Variants in AGAP1 observed in about 807,000 individuals in gnomAD.
The protein encoded by AGAP1 is arf-GAP with GTPase, ANK repeat and PH domain-containing protein 1.
AGAP1 carries 29 observed loss-of-function variants against 105.3 expected under a neutral mutation model. The observed-to-expected ratio is 0.28, with a 90% CI of 0.21 to 0.38. The LOEUF (loss-of-function observed/expected upper bound fraction) is 0.38. AGAP1 is among the 10% of genes least tolerant of loss of function. The pLI is 1.00. For missense variants in AGAP1, 998 were observed against 1,165.1 expected, an observed-to-expected ratio of 0.86 and a Z score of 2.09; for synonymous variants, 509 against 485.9, an observed-to-expected ratio of 1.05 and a Z score of -0.63.
At chr2:235,595,079 C>T (rs535743909) in intron 1 of AGAP1, among the ~76,000 whole-genome samples, 121 of 152,190 alleles carry the variant, frequency 8.0e-4, no homozygotes, top group South Asian at 1.7e-3. Flanking sequence ...GGGCCTGTTG[C>T]AGACCTGAAG....
intron 1 of AGAP1, among the ~76,000 whole-genome samples, chr2:235,603,335 C>G (rs1203162731): frequency 6.6e-6 from 1 of 152,172 alleles, no homozygotes; most frequent in Non-Finnish European, 1.5e-5. Context: ...TTATAAATTA[C>G]CCAGCCTAGG....
chr2:235,740,217 CT>C lies in AGAP1; in HGVS notation c.311-745del, dbSNP rs1387256322. ...CACTGCAGCAACCTTGTACCATCCC[CT>C]CCTGAGAGCATCAGGGGCCGGGACG... On this transcript the variant is annotated intron_variant, in intron 3 of 17. Transcript: ENST00000304032. The surrounding 1 kb of genome is among the most constrained non-coding windows in gnomAD (Gnocchi z 5.7). 6.6e-6 allele frequency among the ~76,000 whole-genome samples: 1 copy of C among 152,096 alleles called. No individual in the cohort carries two copies. The highest frequency in any genetic ancestry group is 2.4e-5 in the African/African-American group (1 of 41,416).
chr2:235,607,619 T>C (rs7607999), intron 1 of AGAP1, among the ~76,000 whole-genome samples: 47,307 of 152,116 alleles, frequency 0.31, 9,338 homozygotes, highest in African/African-American at 0.56. Flanking sequence ...GGCTGGATCC[T>C]GAGCCCTGTA....
At position 235,569,601 on chromosome 2, in the gene AGAP1, T is replaced by C. The variant is rs1482558544; in HGVS notation, c.163+74752T>C. The stretch of plus-strand genomic sequence containing the variant: ...GTGAGCAAACCTTCCTGTGGATAGG[T>C]TTGGAGGATTCGAAGGACATCCCTG... On this transcript the variant is annotated intron_variant, in intron 1 of 17. Transcript: ENST00000304032. The surrounding 1 kb of genome is among the most constrained non-coding windows in gnomAD (Gnocchi z 5.9). Among the ~76,000 whole-genome samples the C allele has an allele frequency of 6.6e-6, 1 of 152,080 alleles. No homozygotes were observed. Among genetic ancestry groups the C allele is most frequent in the African/African-American group, 2.4e-5 (1 of 41,402 alleles).
chr2:235,810,448 A>C (rs1016225993), intron 9 of AGAP1, among the ~76,000 whole-genome samples: 6 of 152,060 alleles, frequency 3.9e-5, no homozygotes, highest in Non-Finnish European at 8.8e-5. Context: ...TGGAGTTGCT[A>C]ATGCAGACTC....
rs1360579159 is a variant in AGAP1 at position 236,038,643 on chromosome 2, A to C, written c.1800+1928A>C. Among the ~76,000 whole-genome samples, 2 of 152,212 alleles carry C rather than the reference A, an allele frequency of 1.3e-5. No individual in the cohort carries two copies. The highest frequency in any genetic ancestry group is 4.8e-5 in the African/African-American group (2 of 41,450). On this transcript the variant is annotated intron_variant, in intron 14 of 17. Transcript: ENST00000304032. This position sits in a 1 kb window ranked among gnomAD's most constrained non-coding sequence, Gnocchi z 4.5. ...CATAAAACATGGAAATACTGTCCACAAGGAGTAGCGGGAGGCAAAAATACA... is the reference window on the plus strand; with the variant it reads ...CATAAAACATGGAAATACTGTCCACCAGGAGTAGCGGGAGGCAAAAATACA...
rs1457274887 is a variant in AGAP1 at position 235,614,504 on chromosome 2, C to T, written c.164-94675C>T. 6.6e-6 allele frequency among the ~76,000 whole-genome samples: 1 copy of T among 151,914 alleles called. No homozygotes were observed. The highest frequency in any genetic ancestry group is 6.6e-5 in the Admixed American group (1 of 15,226). Reference sequence around the variant, plus strand: ...AGAGAAAAGGCAAGGAGAAACATGGCGAGGGGTGGGGGCTTTGCTCTTTAG... The same window carrying T: ...AGAGAAAAGGCAAGGAGAAACATGGTGAGGGGTGGGGGCTTTGCTCTTTAG... On this transcript the variant is annotated intron_variant, in intron 1 of 17. Transcript: ENST00000304032. This position sits in a 1 kb window ranked among gnomAD's most constrained non-coding sequence, Gnocchi z 4.7.
intron 13 of AGAP1, among the ~76,000 whole-genome samples, chr2:235,984,646 T>G (rs1254866850): frequency 6.6e-6 from 1 of 152,010 alleles, no homozygotes; most frequent in Admixed American, 6.6e-5. Context: ...TGTTCCCCGC[T>G]CTGTGTCCAT....
rs1305380726 is a variant in AGAP1, at chr2:235,729,275, C to A, written c.310+11631C>A. 6.6e-6 allele frequency among the ~76,000 whole-genome samples: 1 copy of A among 152,136 alleles called. No homozygotes were observed. Among genetic ancestry groups the A allele is most frequent in the Non-Finnish European group, 1.5e-5 (1 of 68,030 alleles). On this transcript the variant is annotated intron_variant, in intron 3 of 17. Coordinates refer to ENST00000304032, the MANE Select transcript of AGAP1 (RefSeq NM_001037131.3). This position sits in a 1 kb window ranked among gnomAD's most constrained non-coding sequence, Gnocchi z 5.0. ...TATTGGGCCTAAGAAAAACTGATTC[C>A]CAGGTGTGTTTGGGCCGTCTAGAAC...
At chr2:235,710,811 C>T (rs990412134) in intron 2 of AGAP1, among the ~76,000 whole-genome samples, 6 of 152,124 alleles carry the variant, frequency 3.9e-5, no homozygotes, top group African/African-American at 9.7e-5. Context: ...CGCTGCCACT[C>T]GGGTGCTGTG....
rs1364876901 is a variant in AGAP1, at chr2:236,119,364, C to T, written c.2115-828C>T. Among the ~76,000 whole-genome samples, 2 of 152,174 alleles carry T rather than the reference C, an allele frequency of 1.3e-5. No homozygotes were observed. Among genetic ancestry groups the T allele is most frequent in the African/African-American group, 4.8e-5 (2 of 41,456 alleles). On this transcript the variant is annotated intron_variant, in intron 16 of 17. Transcript: ENST00000304032. This position sits in a 1 kb window ranked among gnomAD's most constrained non-coding sequence, Gnocchi z 6.6. ...TTCTGTCCTTTCCACTTAAGCCTTC[C>T]CCAAGTATCTGGAGATTCCAAAAGC... is the stretch of plus-strand genomic sequence containing the variant.
intron 1 of AGAP1, among the ~76,000 whole-genome samples, chr2:235,604,349 G>A (rs1945843535): frequency 6.6e-6 from 1 of 151,664 alleles, no homozygotes; most frequent in Non-Finnish European, 1.5e-5. Flanking sequence ...GAACATGGTG[G>A]TGTGCACCTG....
chr2:235,995,168 A>G (rs1384490856), intron 13 of AGAP1, among the ~76,000 whole-genome samples: 2 of 151,630 alleles, frequency 1.3e-5, no homozygotes, highest in African/African-American at 4.8e-5. Context: ...GCTTATAAAT[A>G]AAATATTTAA....
rs1278201058 is a variant in AGAP1, at chr2:235,877,226, C to T, written c.1051-6119C>T. On this transcript the variant is annotated intron_variant, in intron 9 of 17. Coordinates refer to ENST00000304032, the MANE Select transcript of AGAP1 (RefSeq NM_001037131.3). The surrounding 1 kb of genome is among the most constrained non-coding windows in gnomAD (Gnocchi z 4.3). The stretch of plus-strand genomic sequence containing the variant: ...TTGATAATAATTATGCAGTTAGGTA[C>T]AAGCAGAAAACTAAGATTCAGCTCC... 6.6e-6 allele frequency among the ~76,000 whole-genome samples: 1 copy of T among 152,122 alleles called. No individual in the cohort carries two copies. Among genetic ancestry groups the T allele is most frequent in the Non-Finnish European group, 1.5e-5 (1 of 68,026 alleles).
intron 16 of AGAP1, among the ~76,000 whole-genome samples, chr2:236,059,898 C>A (rs1194283705): frequency 1.3e-5 from 2 of 152,058 alleles, no homozygotes; most frequent in African/African-American, 4.8e-5. Context: ...CAAGACCAGC[C>A]TGGCCAACAT....
At chr2:235,943,645 T>C (rs1022041050) in intron 12 of AGAP1, among the ~76,000 whole-genome samples, 1 of 152,136 alleles carries the variant, frequency 6.6e-6, no homozygotes, top group Non-Finnish European at 1.5e-5. Flanking sequence ...TCACCATGCC[T>C]GGCCACTTAA....
intron 1 of AGAP1, among the ~76,000 whole-genome samples, chr2:235,520,060 G>A (rs1942557736): frequency 6.6e-6 from 1 of 152,152 alleles, no homozygotes; most frequent in Non-Finnish European, 1.5e-5. Context: ...GGGATTATAG[G>A]CATGAGCCAC....
chr2:235,505,286 A>G (rs1322376899), intron 1 of AGAP1, among the ~76,000 whole-genome samples: 1 of 152,234 alleles, frequency 6.6e-6, no homozygotes, highest in East Asian at 1.9e-4. Context: ...TCTTTGTTCC[A>G]GCGCTGTGTC....
chr2:235,686,634 T>TAG, intron 1 of AGAP1, among the ~76,000 whole-genome samples: 1 of 51,892 alleles, frequency 1.9e-5, no homozygotes, highest in African/African-American at 9.9e-5. Flanking sequence ...TATATATATA[T>TAG]ATATATATAT....
Sources: allele counts gnomAD v4.1 joint callset (sites outside exome capture counted in the v4.1 genomes callset), GRCh38; gene constraint gnomAD v4.1.1; non-coding constraint Gnocchi (gnomAD v3.1); transcripts MANE v1.5; gene names NCBI Gene and HGNC (gene_info 2026-07-23, HGNC 2026-07-21).